TYMS: variants seen among roughly 807,000 people sequenced by gnomAD.
TYMS encodes thymidylate synthase.
A neutral mutation model predicts 39.3 loss-of-function variants in TYMS; 21 were observed. That is an observed-to-expected ratio of 0.54 (90% confidence interval 0.38 to 0.77). TYMS has a LOEUF of 0.77. TYMS is among the 30% of genes least tolerant of loss of function. TYMS has a pLI of 0.00. For missense variants in TYMS, 273 were observed against 406.7 expected (o/e 0.67, Z 2.83); for synonymous variants, 171 against 162.2 (o/e 1.05, Z -0.41).
Position 657,771 on chromosome 18 carries a change from G to T in TYMS, c.29G>T (p.Arg10Leu), listed in dbSNP as rs985633324. 1 of 1,434,094 alleles carries T rather than the reference G, an allele frequency of 7.0e-7. No individual in the cohort carries two copies. The highest frequency in any genetic ancestry group is 3.1e-5 in the Admixed American group (1 of 32,702). The allele number at this position is 1,434,094 out of a possible 1,614,324, so 88.8% of individuals were successfully genotyped here. ...CCTGTGGCCGGCTCGGAGCTGCCGCGCCGGCCCTTGCCCCCCGCCGCACAG... is the reference window on the plus strand; with the variant it reads ...CCTGTGGCCGGCTCGGAGCTGCCGCTCCGGCCCTTGCCCCCCGCCGCACAG... MPVAGSELPRRPLPPAAQER... is the reference protein window; with the variant it reads MPVAGSELPLRPLPPAAQER... The change falls in exon 1 of 7, where the codon CGC becomes CTC. Residue 10 changes from arginine (R) to leucine (L), a missense_variant. Physicochemically the swap from Arg to Leu is moderately radical, Grantham distance 102 (BLOSUM62 -2). Transcript: ENST00000323274.
chr18:662,784 G>A lies in TYMS; in HGVS notation c.454+464G>A, dbSNP rs867845069. Among the ~76,000 whole-genome samples the A allele has an allele frequency of 4.2e-3, 631 of 150,648 alleles. 7 individuals carry two copies. The highest frequency in any genetic ancestry group is 0.015 in the African/African-American group (595 of 40,778). On this transcript the variant is annotated intron_variant, in intron 3 of 6. Transcript: ENST00000323274. ...GCAGTGTTTGGTTTTTTGTTCTTGC[G>A]ATAGTTTACTGAGAATGATGATTTC...
chr18:662,003 G>A (rs995347545), intron 2 of TYMS, 143 bp from the exon 3 acceptor site: 1 of 806,304 alleles, frequency 1.2e-6, no homozygotes, highest in Non-Finnish European at 1.9e-6. Flanking sequence ...AAAAGGATGG[G>A]TTCCATATGG....
At position 669,337 on chromosome 18, in the gene TYMS, C is replaced by T. The variant is rs112803854; in HGVS notation, c.556+164C>T. 928 of 549,412 alleles carry T rather than the reference C, an allele frequency of 1.7e-3. 10 individuals carry two copies. Among genetic ancestry groups the T allele is most frequent in the African/African-American group, 0.016 (836 of 51,598 alleles). 34.0% of individuals were successfully genotyped at this position (549,412 alleles called of 1,614,324 possible). On this transcript the variant is annotated intron_variant, in intron 4 of 6. Coordinates refer to ENST00000323274, the MANE Select transcript of TYMS (RefSeq NM_001071.4). ...CAAGTCACATTTTGCTGCACTTTCA[C>T]CTTCAGATCATGAGGTTGGGCCCAG...
At chr18:661,657 C>T (rs567650690) in intron 2 of TYMS, among the ~76,000 whole-genome samples, 1 of 152,194 alleles carries the variant, frequency 6.6e-6, no homozygotes, top group Non-Finnish European at 1.5e-5. Flanking sequence ...GTCCTAAAGC[C>T]CTCAGGAATC....
chr18:666,588 G>A (rs1249580537), intron 3 of TYMS, among the ~76,000 whole-genome samples: 3 of 152,210 alleles, frequency 2.0e-5, no homozygotes, highest in African/African-American at 4.8e-5. Flanking sequence ...GCAACCTGGA[G>A]AGCAGGTGTC....
At chr18:667,010 GTGATGGAGATGGAGATGGTGATGGA>G (rs2074845636) in intron 3 of TYMS, among the ~76,000 whole-genome samples, 1 of 7,330 alleles carries the variant, frequency 1.4e-4, no homozygotes, top group Admixed American at 1.3e-3. Context: ...GATGGTGATG[GTGATGGAGATGGAGATGGTGATGGA>G]GATGGTGATG....
At chr18:664,758 T>A (rs1341986849) in intron 3 of TYMS, among the ~76,000 whole-genome samples, 1 of 150,582 alleles carries the variant, frequency 6.6e-6, no homozygotes, top group African/African-American at 2.5e-5. Context: ...AGGCCTTTTC[T>A]GCATCTATTG....
chr18:662,522 TAATTATTATAC>T (rs2074767194), intron 3 of TYMS, among the ~76,000 whole-genome samples: 2 of 146,108 alleles, frequency 1.4e-5, no homozygotes, highest in African/African-American at 2.6e-5. Context: ...TTTTTTTTTT[TAATTATTATAC>T]TTTAAGTTTT....
intron 4 of TYMS, 129 bp downstream of exon 4, chr18:669,302 T>C: frequency 1.5e-6 from 1 of 654,982 alleles, no homozygotes; most frequent in South Asian, 2.1e-5. Context: ...GTTGATTGTG[T>C]GACGTTGGGC....
intron 3 of TYMS, among the ~76,000 whole-genome samples, 188 bp downstream of exon 3, chr18:662,508 T>C (rs2074766861): frequency 6.6e-6 from 1 of 150,556 alleles, no homozygotes; most frequent in Non-Finnish European, 1.5e-5. Flanking sequence ...CACACTCTTT[T>C]TTTTTTTTTT....
At chr18:669,256 G>C in intron 4 of TYMS, 83 bp downstream of exon 4, 1 of 1,209,622 alleles carries the variant, frequency 8.3e-7, no homozygotes, top group African/African-American at 1.5e-5. Flanking sequence ...GGCACCTGAG[G>C]GAGGCAGGAC....
chr18:664,156 A>G (rs1381017990), intron 3 of TYMS, among the ~76,000 whole-genome samples: 1 of 151,914 alleles, frequency 6.6e-6, no homozygotes, highest in Admixed American at 6.6e-5. Flanking sequence ...TGAGCATGGA[A>G]TGGTCTTCCA....
chr18:670,616 C>A, intron 4 of TYMS, 76 bp from the exon 5 acceptor site: 1 of 1,526,782 alleles, frequency 6.5e-7, no homozygotes, highest in Non-Finnish European at 8.9e-7. Context: ...TTCTGTTTCT[C>A]TCCTGTTTTA....
chr18:671,308 CTAA>C, intron 5 of TYMS, 69 bp from the exon 6 acceptor site: 1 of 1,025,476 alleles, frequency 9.8e-7, no homozygotes, highest in Non-Finnish European at 1.5e-6. Context: ...TCTGCATATT[CTAA>C]TGTTTTTAAA....
chr18:668,143 GTGTA>G (rs1210694300), intron 3 of TYMS, among the ~76,000 whole-genome samples: 1 of 151,966 alleles, frequency 6.6e-6, no homozygotes, highest in Admixed American at 6.6e-5. Context: ...ACGTGCACTT[GTGTA>G]TGTGTGTATT....
At chr18:664,854 C>A (rs1247603569) in intron 3 of TYMS, among the ~76,000 whole-genome samples, 2 of 139,208 alleles carry the variant, frequency 1.4e-5, no homozygotes, top group Admixed American at 1.4e-4. Flanking sequence ...AGCCTTGCAT[C>A]CCAGGGATGA....
Position 657,847 on chromosome 18 carries a change from G to A in TYMS, c.105G>A (p.Gly35=), listed in dbSNP as rs938083756. 4 of 1,507,730 alleles carry A rather than the reference G, an allele frequency of 2.7e-6. No homozygotes were observed. In the African/African-American group the frequency reaches 4.3e-5, roughly 16 times the overall value. The allele number at this position is 1,507,730 out of a possible 1,614,324, so 93.4% of individuals were successfully genotyped here. A position where few individuals can be genotyped will look rare whatever the true frequency, so the allele number is the denominator to read the frequency against. ...RPPHGELQYL[G]QIQHILRCGV... ...CGCACGGGGAGCTGCAGTACCTGGG[G>A]CAGATCCAACACATCCTCCGCTGCG... is the stretch of plus-strand genomic sequence containing the variant. Residue 35 remains glycine (G), a synonymous_variant, in exon 1 of 7, where the codon GGG becomes GGA. Coordinates refer to ENST00000323274, the MANE Select transcript of TYMS (RefSeq NM_001071.4).
At chr18:662,533 C>G (rs976799448) in intron 3 of TYMS, among the ~76,000 whole-genome samples, 2 of 129,200 alleles carry the variant, frequency 1.5e-5, no homozygotes, top group Non-Finnish European at 3.2e-5. Context: ...AATTATTATA[C>G]TTTAAGTTTT....
At chr18:669,288 C>T (rs1321159840) in intron 4 of TYMS, 115 bp downstream of exon 4, 2 of 738,780 alleles carry the variant, frequency 2.7e-6, no homozygotes, top group Admixed American at 2.6e-5. Flanking sequence ...CCCCCAGCCA[C>T]ATGGTTGATT....
Sources: allele counts gnomAD v4.1 joint callset (sites outside exome capture counted in the v4.1 genomes callset), GRCh38; gene constraint gnomAD v4.1.1; transcripts MANE v1.5; gene names NCBI Gene and HGNC (gene_info 2026-07-23, HGNC 2026-07-21).